SEMA6D: variants seen among roughly 807,000 people sequenced by gnomAD.
SEMA6D encodes the protein semaphorin 6D, also known as semaphorin-6D.
In SEMA6D, 35 loss-of-function variants were observed where a neutral mutation model predicts 106.6. That is an observed-to-expected ratio of 0.33 (90% confidence interval 0.25 to 0.44). The LOEUF is 0.44. Ranked by LOEUF, SEMA6D falls within the 20% of genes least tolerant of loss-of-function variation. The pLI is 1.00. For missense variants in SEMA6D, 1,185 were observed against 1,345.9 expected, an observed-to-expected ratio of 0.88 and a Z score of 1.87; for synonymous variants, 499 against 487.7, an observed-to-expected ratio of 1.02 and a Z score of -0.31.
chr15:47,270,183 T>C (rs924474286), intron 1 of SEMA6D, among the ~76,000 whole-genome samples: 1 of 148,424 alleles, frequency 6.7e-6, no homozygotes. Context: ...TATAGTTATA[T>C]TTTATTATAT....
chr15:47,225,642 A>G (rs529220795), intron 1 of SEMA6D, among the ~76,000 whole-genome samples: 3 of 144,938 alleles, frequency 2.1e-5, no homozygotes, highest in African/African-American at 7.8e-5. Flanking sequence ...ATTCTCCTGT[A>G]TCAGCCTTCC....
chr15:47,400,071 G>A (rs762178667), intron 1 of SEMA6D, among the ~76,000 whole-genome samples: 3 of 152,208 alleles, frequency 2.0e-5, no homozygotes, highest in Non-Finnish European at 4.4e-5. Flanking sequence ...CTATTTAAGA[G>A]TTCAAGTTAG....
intron 2 of SEMA6D, among the ~76,000 whole-genome samples, chr15:47,432,904 C>T (rs1053894595): frequency 2.0e-5 from 3 of 152,120 alleles, no homozygotes; most frequent in African/African-American, 7.2e-5. Flanking sequence ...AAATAAACTA[C>T]ACTGTCAGTA....
chr15:47,446,987 T>C (rs1336498135), intron 2 of SEMA6D, among the ~76,000 whole-genome samples: 3 of 152,110 alleles, frequency 2.0e-5, no homozygotes, highest in Non-Finnish European at 4.4e-5. Context: ...ACATGACACA[T>C]AGGGGCTTCC....
At chr15:47,706,803 G>A (rs764327867) in intron 4 of SEMA6D, among the ~76,000 whole-genome samples, 2 of 147,538 alleles carry the variant, frequency 1.4e-5, no homozygotes, top group Non-Finnish European at 3.0e-5. Flanking sequence ...ATGAATGAAG[G>A]AACAAATCAC....
At chr15:47,510,611 T>C (rs1656616) in intron 3 of SEMA6D, among the ~76,000 whole-genome samples, 1,876 of 152,312 alleles carry the variant, frequency 0.012, 40 homozygotes, top group African/African-American at 0.044. Context: ...AAGACTTGCA[T>C]ATATAAGATA....
chr15:47,552,670 T>C (rs569497972), intron 3 of SEMA6D, among the ~76,000 whole-genome samples: 114 of 144,412 alleles, frequency 7.9e-4, no homozygotes, highest in Non-Finnish European at 1.5e-3. Context: ...CAAAATGCAG[T>C]TGTTTAGAAA....
intron 1 of SEMA6D, among the ~76,000 whole-genome samples, chr15:47,336,600 G>C (rs1460848242): frequency 2.0e-5 from 3 of 152,126 alleles, no homozygotes; most frequent in African/African-American, 7.2e-5. Context: ...CGATGCTTTG[G>C]GTGATAGCAG....
At chr15:47,723,173 A>G (rs2146379403) in intron 1 of SEMA6D, among the ~76,000 whole-genome samples, 1 of 152,278 alleles carries the variant, frequency 6.6e-6, no homozygotes, top group African/African-American at 2.4e-5. Context: ...TACACGGTGG[A>G]TGTGCTCTTA....
At chr15:47,615,900 G>A (rs192196482) in intron 4 of SEMA6D, among the ~76,000 whole-genome samples, 15 of 152,310 alleles carry the variant, frequency 9.8e-5, no homozygotes, top group African/African-American at 3.6e-4. Flanking sequence ...AGTATACAGT[G>A]CCATGAATTA....
chr15:47,367,897 A>G (rs1431250739), intron 1 of SEMA6D, among the ~76,000 whole-genome samples: 1 of 152,060 alleles, frequency 6.6e-6, no homozygotes, highest in Non-Finnish European at 1.5e-5. Context: ...ATAGTCAAAA[A>G]TTCCAGTTTA....
At chr15:47,499,241 T>G (rs1010790873) in intron 3 of SEMA6D, among the ~76,000 whole-genome samples, 2 of 152,076 alleles carry the variant, frequency 1.3e-5, no homozygotes, top group Non-Finnish European at 2.9e-5. Context: ...CCAAAGATAT[T>G]TTCTCCTCTC....
chr15:47,761,732 C>T lies in SEMA6D; in HGVS notation c.519C>T (p.Thr173=). Residue 173 remains threonine, a synonymous_variant, in exon 7 of 19, where the codon ACC becomes ACT. Transcript: ENST00000536845. ...LARCPFDARQ[T]NVALFADGKL... ...GATGCCCATTTGATGCCAGACAAACCAATGTTGCCCTCTTTGCTGGTAAGA... is the reference window on the plus strand; with the variant it reads ...GATGCCCATTTGATGCCAGACAAACTAATGTTGCCCTCTTTGCTGGTAAGA... The T allele has an allele frequency of 6.2e-7, 1 of 1,612,402 alleles. No individual in the cohort carries two copies. The highest frequency in any genetic ancestry group is 8.5e-7 in the Non-Finnish European group (1 of 1,179,102).
intron 3 of SEMA6D, among the ~76,000 whole-genome samples, chr15:47,546,202 G>A (rs2045516284): frequency 6.6e-6 from 1 of 152,134 alleles, no homozygotes; most frequent in Non-Finnish European, 1.5e-5. Flanking sequence ...GAGGTGCAAA[G>A]TAGTGTGAGG....
At chr15:47,335,588 T>C (rs1026115121) in intron 1 of SEMA6D, among the ~76,000 whole-genome samples, 3 of 152,084 alleles carry the variant, frequency 2.0e-5, no homozygotes, top group Non-Finnish European at 2.9e-5. Flanking sequence ...TATGGTAAAT[T>C]CTGTGATTAA....
chr15:47,348,467 G>A (rs544592407), intron 1 of SEMA6D, among the ~76,000 whole-genome samples: 62 of 152,124 alleles, frequency 4.1e-4, no homozygotes, highest in Admixed American at 3.8e-3. Flanking sequence ...GGTTGAGCAT[G>A]CCTAATCCAA....
chr15:47,240,500 C>T (rs941616044), intron 1 of SEMA6D, among the ~76,000 whole-genome samples: 1 of 152,114 alleles, frequency 6.6e-6, no homozygotes, highest in Non-Finnish European at 1.5e-5. Flanking sequence ...GAAGTCAAGC[C>T]TTTTCACTAG....
chr15:47,663,085 C>A (rs185230738), intron 4 of SEMA6D, among the ~76,000 whole-genome samples: 5 of 152,076 alleles, frequency 3.3e-5, no homozygotes, highest in Non-Finnish European at 7.4e-5. Context: ...AATTTCAAAG[C>A]AATTTTAATG....
At chr15:47,378,577 A>G (rs166837) in intron 1 of SEMA6D, among the ~76,000 whole-genome samples, 96,958 of 152,018 alleles carry the variant, frequency 0.64, 31,946 homozygotes, top group Non-Finnish European at 0.72. Flanking sequence ...ACTTCTTACT[A>G]GCTTGCTTAT....
Sources: allele counts gnomAD v4.1 joint callset (sites outside exome capture counted in the v4.1 genomes callset), GRCh38; gene constraint gnomAD v4.1.1; transcripts MANE v1.5; gene names NCBI Gene and HGNC (gene_info 2026-07-23, HGNC 2026-07-21).